The following DNAI3 variants were observed in gnomAD, a reference collection of about 807,000 sequenced individuals.
The protein encoded by DNAI3 is dynein axonemal intermediate chain 3, also known as WD repeat domain 63.
Under a neutral mutation model 115.5 loss-of-function variants are expected in DNAI3, and 83 were observed. The observed-to-expected ratio is 0.72, with a 90% confidence interval of 0.60 to 0.86. The LOEUF (loss-of-function observed/expected upper bound fraction) is 0.86. Among genes scored for constraint, DNAI3 ranks in the 40% least tolerant of loss-of-function variants. The probability of loss-of-function intolerance (pLI) is 0.00; values close to 1 mark genes in which losing one functional copy is unlikely to be tolerated. For missense variants in DNAI3, 1,004 were observed against 1,075.8 expected (o/e 0.93, Z 0.93); for synonymous variants, 320 against 347.0 (o/e 0.92, Z 0.86).
At chr1:85,072,827 C>G (rs923281723) in intron 2 of DNAI3, among the ~76,000 whole-genome samples, 1 of 150,322 alleles carries the variant, frequency 6.7e-6, no homozygotes, top group Non-Finnish European at 1.5e-5. Flanking sequence ...TGGTGGCGGG[C>G]GCCTCTAGTC....
chr1:85,101,462 C>T (rs1179038474), intron 13 of DNAI3, among the ~76,000 whole-genome samples: 1 of 152,084 alleles, frequency 6.6e-6, no homozygotes, highest in African/African-American at 2.4e-5. Context: ...GTGGCTCACA[C>T]GCCTGTAATC....
At chr1:85,107,005 T>A (rs770085039) in intron 14 of DNAI3, among the ~76,000 whole-genome samples, 4 of 152,248 alleles carry the variant, frequency 2.6e-5, no homozygotes, top group Non-Finnish European at 5.9e-5. Context: ...AAAGCACAAA[T>A]GCAACCCAAA....
At chr1:85,128,916 T>TA in intron 21 of DNAI3, 117 bp downstream of exon 21, 1 of 832,056 alleles carries the variant, frequency 1.2e-6, no homozygotes, top group Non-Finnish European at 1.9e-6. Flanking sequence ...AAAAGACTCA[T>TA]ACAGTAAATA....
In DNAI3 at chr1:85,128,817, G is replaced by T. The variant is rs1221638343; in HGVS notation, c.2409+18G>T. 1 of 1,596,094 alleles carries T rather than the reference G, an allele frequency of 6.3e-7. No individual in the cohort carries two copies. On this transcript the variant is annotated intron_variant, in intron 21 of 22. Coordinates refer to ENST00000294664, the MANE Select transcript of DNAI3 (RefSeq NM_145172.5). ...CCAATGAGGTTAGTAACTAACTTAT[G>T]ACTTTGAGAATTAATGTGACCAGAT...
At chr1:85,129,216 C>T (rs1571205505) in intron 21 of DNAI3, among the ~76,000 whole-genome samples, 1 of 150,108 alleles carries the variant, frequency 6.7e-6, no homozygotes, top group South Asian at 2.2e-4. Flanking sequence ...CACAGCTGAA[C>T]TGGCGGTATT....
chr1:85,073,181 G>A (rs954563486), intron 3 of DNAI3, 89 bp downstream of exon 3: 2 of 951,750 alleles, frequency 2.1e-6, no homozygotes, highest in Non-Finnish European at 3.0e-6. Context: ...ACAAACTGAA[G>A]TGATCAATCA....
chr1:85,101,981 G>A (rs560393993), intron 13 of DNAI3, among the ~76,000 whole-genome samples: 5 of 151,744 alleles, frequency 3.3e-5, no homozygotes, highest in Non-Finnish European at 7.4e-5. Flanking sequence ...GCAGGAGGAT[G>A]ACTTGGAGTT....
intron 22 of DNAI3, among the ~76,000 whole-genome samples, chr1:85,132,612 G>T (rs562709812): frequency 2.0e-5 from 3 of 151,372 alleles, no homozygotes; most frequent in African/African-American, 4.8e-5. Flanking sequence ...AGGGAAGAAG[G>T]CCGGAAAAAG....
chr1:85,106,732 C>T (rs751052063), intron 14 of DNAI3, among the ~76,000 whole-genome samples: 6 of 152,160 alleles, frequency 3.9e-5, no homozygotes, highest in Non-Finnish European at 7.4e-5. Context: ...TGAACCCATA[C>T]ATCTTTGGCC....
intron 3 of DNAI3, among the ~76,000 whole-genome samples, chr1:85,074,897 T>C (rs1654404592): frequency 6.6e-6 from 1 of 152,194 alleles, no homozygotes; most frequent in Non-Finnish European, 1.5e-5. Context: ...AACAGCACTA[T>C]AACTCATTAC....
At position 85,104,508 on chromosome 1, in the gene DNAI3, C is replaced by T. The variant is rs181913295; in HGVS notation, c.1480-16C>T. On this transcript the variant is annotated splice_polypyrimidine_tract_variant and intron_variant, in intron 13 of 22. Coordinates refer to ENST00000294664, the MANE Select transcript of DNAI3 (RefSeq NM_145172.5). The stretch of plus-strand genomic sequence containing the variant: ...GAGAAAAACAATTTTATTTCTCTTT[C>T]ATTTTTGAAAAATAGATTAACAGAA... 1,302 of 1,609,234 alleles carry T rather than the reference C, an allele frequency of 8.1e-4. 11 individuals are homozygous for T. In the African/African-American group the frequency reaches 0.015, roughly 19 times the overall value.
Position 85,074,671 on chromosome 1 carries a change from C to T in DNAI3, c.103+1579C>T, listed in dbSNP as rs563015827. On this transcript the variant is annotated intron_variant, in intron 3 of 22. Coordinates refer to ENST00000294664, the MANE Select transcript of DNAI3 (RefSeq NM_145172.5). ...AGTTAAAGTACAGTCAATTCTCGTT[C>T]GTGTATTCTATACAGTCCCTTTGAA... 5.0e-4 allele frequency among the ~76,000 whole-genome samples: 76 copies of T among 152,266 alleles called. 1 individual carries two copies. Among genetic ancestry groups the T allele is most frequent in the South Asian group, 2.1e-4 (1 of 4,816 alleles).
chr1:85,117,567 T>C (rs1435162609), intron 16 of DNAI3, among the ~76,000 whole-genome samples, 162 bp from the exon 17 acceptor site: 1 of 152,230 alleles, frequency 6.6e-6, no homozygotes, highest in African/African-American at 2.4e-5. Context: ...GAGGGTTCTT[T>C]TGCTAAATTA....
chr1:85,110,713 A>G (rs899638377), intron 16 of DNAI3, among the ~76,000 whole-genome samples: 2 of 152,166 alleles, frequency 1.3e-5, no homozygotes, highest in Non-Finnish European at 2.9e-5. Context: ...TCAAAAACTC[A>G]TTACATTAAA....
chr1:85,076,617 A>C (rs1654462813), intron 3 of DNAI3, among the ~76,000 whole-genome samples: 2 of 152,222 alleles, frequency 1.3e-5, no homozygotes, highest in Non-Finnish European at 2.9e-5. Context: ...CAGGCAAGAG[A>C]GCGTGTGTAG....
At chr1:85,108,294 G>A (rs1289411087) in intron 15 of DNAI3, 117 bp downstream of exon 15, 2 of 1,126,360 alleles carry the variant, frequency 1.8e-6, no homozygotes, top group Non-Finnish European at 2.4e-6. Context: ...ATTAACACAA[G>A]ACTGTACAAT....
intron 16 of DNAI3, among the ~76,000 whole-genome samples, chr1:85,112,423 A>AT (rs1460816017): frequency 6.6e-6 from 1 of 152,214 alleles, no homozygotes; most frequent in Non-Finnish European, 1.5e-5. Flanking sequence ...TTGTATAGAC[A>AT]TATGCCTTCA....
chr1:85,102,249 G>A (rs1206719434), intron 13 of DNAI3, among the ~76,000 whole-genome samples: 2 of 151,902 alleles, frequency 1.3e-5, no homozygotes, highest in African/African-American at 4.8e-5. Context: ...ATTACTTAAG[G>A]TAATGGATAG....
In DNAI3 at chr1:85,081,432, T is replaced by C. The variant is rs1267957258; in HGVS notation, c.285+17T>C. 6.5e-7 allele frequency: 1 copy of C among 1,530,228 alleles called. No homozygotes were observed. Among genetic ancestry groups the C allele is most frequent in the African/African-American group, 1.4e-5 (1 of 69,960 alleles). The allele number at this position is 1,530,228 out of a possible 1,614,324, so 94.8% of individuals were successfully genotyped here. ...ATTGTCCAGGTAAGCACAATATCCC[T>C]ATTTATTTTCAGTCCTACCTCAAGA... On this transcript the variant is annotated intron_variant, in intron 4 of 22. Coordinates refer to ENST00000294664, the MANE Select transcript of DNAI3 (RefSeq NM_145172.5).
Sources: gnomAD v4.1 joint callset for allele counts (sites outside exome capture counted in the v4.1 genomes callset) on GRCh38, gnomAD v4.1.1 for gene constraint, MANE v1.5 for transcripts, NCBI Gene and HGNC (gene_info 2026-07-23, HGNC 2026-07-21) for gene names.